Variants in BIRC6 observed in about 807,000 individuals in gnomAD.
The protein encoded by BIRC6 is dual E2 ubiquitin-conjugating enzyme/E3 ubiquitin-protein ligase BIRC6.
In BIRC6, 98 loss-of-function variants were observed where a neutral mutation model predicts 503.3. The ratio of observed to expected loss-of-function variants is 0.19; its 90% confidence interval spans 0.17 to 0.23. BIRC6 has a LOEUF of 0.23. Ranked by LOEUF, BIRC6 falls within the 10% of genes least tolerant of loss-of-function variation. BIRC6 has a pLI of 1.00. For synonymous variants in BIRC6, 2,240 were observed against 2,078.7 expected (o/e 1.08, Z -2.11); for missense variants, 5,360 against 5,806.0 (o/e 0.92, Z 2.50).
At chr2:32,453,705 A>T in intron 22 of BIRC6, 103 bp from the exon 23 acceptor site, 3 of 1,111,698 alleles carry the variant, frequency 2.7e-6, no homozygotes, top group Non-Finnish European at 4.0e-6. Context: ...TTGTGTATTT[A>T]TATGTTCTAA....
In BIRC6 at chr2:32,414,776, A is replaced by G. The variant is rs747909649; in HGVS notation, c.1485A>G (p.Thr495=). Residue 495 remains threonine (T), a synonymous_variant, in exon 10 of 74, where the codon ACA becomes ACG. Coordinates refer to ENST00000421745, the MANE Select transcript of BIRC6 (RefSeq NM_016252.4). The part of the protein sequence containing the change: ...HSRSDSVTGH[T]SQKEAMEVSL... ...TATTGTTCCTTTTTAAAGGGCATAC[A>G]TCACAGAAGGAAGCCATGGAAGTAA... 29 of 1,611,208 alleles carry G rather than the reference A, an allele frequency of 1.8e-5. No individual in the cohort carries two copies. The highest frequency in any genetic ancestry group is 2.2e-5 in the East Asian group (1 of 44,824).
chr2:32,461,888 T>A (rs530775447), intron 23 of BIRC6, among the ~76,000 whole-genome samples: 1 of 152,222 alleles, frequency 6.6e-6, no homozygotes, highest in African/African-American at 2.4e-5. Flanking sequence ...TACTTAATAC[T>A]TTTTTCTTGC....
chr2:32,560,244 G>A (rs1400479427), intron 65 of BIRC6, among the ~76,000 whole-genome samples: 1 of 152,130 alleles, frequency 6.6e-6, no homozygotes, highest in Non-Finnish European at 1.5e-5. Context: ...GTACAGTAAT[G>A]AAATTTAAAG....
intron 66 of BIRC6, among the ~76,000 whole-genome samples, chr2:32,582,784 A>C (rs964353205): frequency 6.6e-6 from 1 of 152,028 alleles, no homozygotes; most frequent in Non-Finnish European, 1.5e-5. Context: ...AAACAAAAAA[A>C]CTAGAATGAC....
chr2:32,367,226 AC>A (rs2035073759), intron 1 of BIRC6, among the ~76,000 whole-genome samples: 2 of 151,680 alleles, frequency 1.3e-5, no homozygotes, highest in African/African-American at 4.8e-5. Flanking sequence ...ACTTTGGGAG[AC>A]CAAGGTGGGT....
At chr2:32,358,583 C>A (rs186929109) in intron 1 of BIRC6, among the ~76,000 whole-genome samples, 5 of 152,278 alleles carry the variant, frequency 3.3e-5, no homozygotes, top group Non-Finnish European at 5.9e-5. Context: ...TGCGTTTAGC[C>A]AAGTGGAAGT....
In BIRC6 at chr2:32,357,426, G is replaced by T; in HGVS notation, c.265G>T (p.Gly89Trp). Reference sequence around the variant, plus strand: ...CGCCATCCTGGCCGTCACTAGCCGCGGGACCATCAAAGTCATCGACGGCAC... The same window carrying T: ...CGCCATCCTGGCCGTCACTAGCCGCTGGACCATCAAAGTCATCGACGGCAC... ...LNAILAVTSR[G>W]TIKVIDGTSG... Residue 89 changes from glycine to tryptophan, a missense_variant, in exon 1 of 74, where the codon GGG (glycine) becomes TGG (tryptophan). Coordinates refer to ENST00000421745, the MANE Select transcript of BIRC6 (RefSeq NM_016252.4). This position sits in a 1 kb window ranked among gnomAD's most constrained non-coding sequence, Gnocchi z 4.9. 6.5e-7 allele frequency: 1 copy of T among 1,549,866 alleles called. No homozygotes were observed. The highest frequency in any genetic ancestry group is 8.7e-7 in the Non-Finnish European group (1 of 1,146,846).
intron 23 of BIRC6, among the ~76,000 whole-genome samples, chr2:32,454,604 A>T (rs2047042662): frequency 6.6e-6 from 1 of 152,168 alleles, no homozygotes; most frequent in Non-Finnish European, 1.5e-5. Flanking sequence ...TAGTCACTGA[A>T]GGGTTTGACT....
At chr2:32,409,941 T>C (rs1180906472) in intron 9 of BIRC6, among the ~76,000 whole-genome samples, 1 of 152,212 alleles carries the variant, frequency 6.6e-6, no homozygotes, top group Non-Finnish European at 1.5e-5. Flanking sequence ...ATGTATAGTT[T>C]ATGCTGCTTC....
At chr2:32,602,172 G>C (rs1355784588) in intron 70 of BIRC6, among the ~76,000 whole-genome samples, 1 of 152,116 alleles carries the variant, frequency 6.6e-6, no homozygotes, top group African/African-American at 2.4e-5. Context: ...GAATAGCCAA[G>C]ATACAGAATC....
intron 10 of BIRC6, among the ~76,000 whole-genome samples, chr2:32,419,906 T>G (rs773407128): frequency 6.6e-6 from 1 of 152,214 alleles, no homozygotes; most frequent in Non-Finnish European, 1.5e-5. Context: ...GCTAAGAGTT[T>G]CCAATAGGAA....
intron 26 of BIRC6, 21 bp downstream of exon 26, chr2:32,465,185 A>ATTTTTTTTTTTTTTTTT: frequency 1.2e-6 from 1 of 847,166 alleles, no homozygotes; most frequent in East Asian, 3.5e-5. Context: ...ACTTTCTTAA[A>ATTTTTTTTTTTTTTTTT]TTTTTTTTTT....
chr2:32,434,765 C>CA (rs2044512004), intron 13 of BIRC6, among the ~76,000 whole-genome samples: 1 of 152,052 alleles, frequency 6.6e-6, no homozygotes, highest in South Asian at 2.1e-4. Flanking sequence ...GAGGCTGAGG[C>CA]AGGAGGATCA....
At chr2:32,566,356 G>A (rs187994779) in intron 65 of BIRC6, 2 of 152,026 alleles carry the variant, frequency 1.3e-5, no homozygotes, top group Admixed American at 6.6e-5. Context: ...TCCCATGCCC[G>A]GCTAATTTTT....
chr2:32,477,412 C>T lies in BIRC6; in HGVS notation c.6897C>T (p.Ser2299=). The change falls in exon 35 of 74, where the codon TCC becomes TCT. Residue 2299 remains serine, a synonymous_variant. Coordinates refer to ENST00000421745, the MANE Select transcript of BIRC6 (RefSeq NM_016252.4). ...LIRLRRTAEW[S]RSNLDTEVTT... The stretch of plus-strand genomic sequence containing the variant: ...GTTTACGTCGGACAGCAGAATGGTC[C>T]CGTTCTAATTTAGACACAGAAGTTA... 6.2e-7 allele frequency: 1 copy of T among 1,613,844 alleles called. No homozygotes were observed. The highest frequency in any genetic ancestry group is 1.7e-5 in the Admixed American group (1 of 59,996).
intron 45 of BIRC6, among the ~76,000 whole-genome samples, chr2:32,494,208 T>C (rs2052124704): frequency 6.6e-6 from 1 of 151,994 alleles, no homozygotes; most frequent in Non-Finnish European, 1.5e-5. Flanking sequence ...TTTCTTAAAA[T>C]CCAACATTAC....
chr2:32,405,050 C>T (rs970378734), intron 8 of BIRC6, among the ~76,000 whole-genome samples: 1 of 152,182 alleles, frequency 6.6e-6, no homozygotes, highest in African/African-American at 2.4e-5. Context: ...AATATCAAGA[C>T]ACCTGAATTC....
chr2:32,563,860 C>T (rs1041523157), intron 65 of BIRC6: 11 of 152,196 alleles, frequency 7.2e-5, no homozygotes, highest in African/African-American at 2.7e-4. Context: ...GGGCGGATCA[C>T]TTGAGGTCAG....
chr2:32,371,529 C>T (rs1024469363), intron 1 of BIRC6, among the ~76,000 whole-genome samples: 2 of 151,904 alleles, frequency 1.3e-5, no homozygotes, highest in African/African-American at 4.8e-5. Context: ...TTCATGCCGC[C>T]ATGCCCGGCT....
Sources: allele counts gnomAD v4.1 joint callset (sites outside exome capture counted in the v4.1 genomes callset), GRCh38; gene constraint gnomAD v4.1.1; non-coding constraint Gnocchi (gnomAD v3.1); transcripts MANE v1.5; gene names NCBI Gene and HGNC (gene_info 2026-07-23, HGNC 2026-07-21).